PCDHB16: variants seen among roughly 807,000 people sequenced by gnomAD.
The protein encoded by PCDHB16 is protocadherin beta-16.
For synonymous variants in PCDHB16, 444 were observed against 436.5 expected (o/e 1.02, Z -0.21); for missense variants, 1,026 against 989.9 (o/e 1.04, Z -0.49).
Position 141,183,727 on chromosome 5 carries a change from C to A in PCDHB16, c.1168C>A (p.Pro390Thr). The A allele has an allele frequency of 6.2e-7, 1 of 1,614,178 alleles. No individual in the cohort carries two copies. The highest frequency in any genetic ancestry group is 8.5e-7 in the Non-Finnish European group (1 of 1,180,026). ...KTISSIQEDL[P>T]FLLKPSVKNF... ...GATTTCCTCCATCCAGGAAGACCTT[C>A]CCTTTCTTCTAAAACCTTCAGTCAA... Residue 390 changes from proline (P) to threonine (T), a missense_variant, in exon 1 of 1, where the codon CCC (proline) becomes ACC (threonine). Pro to Thr is a conservative substitution (Grantham distance 38, BLOSUM62 -1). Transcript: ENST00000609684.
In PCDHB16 at chr5:141,185,891, T is replaced by C; in HGVS notation, c.*1001T>C. ...AAGCCATTGTAAGACATTCAGTATGTGTAAATGTGTTTGTGTTTGTAGACA... is the reference window on the plus strand; with the variant it reads ...AAGCCATTGTAAGACATTCAGTATGCGTAAATGTGTTTGTGTTTGTAGACA... On this transcript the variant is annotated 3_prime_UTR_variant, in exon 1 of 1. Transcript: ENST00000609684. 9 of 988,850 alleles carry C rather than the reference T, an allele frequency of 9.1e-6. No homozygotes were observed. Among genetic ancestry groups the C allele is most frequent in the Non-Finnish European group, 1.1e-5 (9 of 819,606 alleles). 61.3% of individuals were successfully genotyped at this position (988,850 alleles called of 1,614,324 possible).
In PCDHB16 at chr5:141,184,764, T is replaced by A; in HGVS notation, c.2205T>A (p.Arg735=). The A allele has an allele frequency of 1.2e-6, 2 of 1,614,138 alleles. No individual in the cohort carries two copies. The highest frequency in any genetic ancestry group is 2.2e-5 in the South Asian group (2 of 91,084). ...TGCCTGAGGGCCCCTTTCCAGGGCG[T>A]CTGGTGGACGTAAGCGGCACCGGGA... The part of the protein sequence containing the change: ...CSMPEGPFPG[R]LVDVSGTGTL... Residue 735 remains arginine, a synonymous_variant, in exon 1 of 1, where the codon CGT becomes CGA. Transcript: ENST00000609684.
rs1435204115 is a variant in PCDHB16 at position 141,185,768 on chromosome 5, A to AT, written c.*882dup. ...AAGTTACCTTTAAAAAAAAAGTTCT[A>AT]TTTTCCCTGTATTGGTATCTCCTTA... On this transcript the variant is annotated 3_prime_UTR_variant, in exon 1 of 1. Transcript: ENST00000609684. 3 of 989,192 alleles carry AT rather than the reference A, an allele frequency of 3.0e-6. No individual in the cohort carries two copies. The highest frequency in any genetic ancestry group is 3.5e-5 in the African/African-American group (2 of 56,930). 61.3% of individuals were successfully genotyped at this position (989,192 alleles called of 1,614,324 possible).
At position 141,185,078 on chromosome 5, in the gene PCDHB16, A is replaced by C; in HGVS notation, c.*188A>C. On this transcript the variant is annotated 3_prime_UTR_variant, in exon 1 of 1. Transcript: ENST00000609684. ...TAGTTCAAATTATATTGTTAATTCCAGTTTCCCTTTTCCTCATATTTACCC... is the reference window on the plus strand; with the variant it reads ...TAGTTCAAATTATATTGTTAATTCCCGTTTCCCTTTTCCTCATATTTACCC... 7.0e-7 allele frequency: 1 copy of C among 1,420,478 alleles called. No homozygotes were observed. The highest frequency in any genetic ancestry group is 9.2e-7 in the Non-Finnish European group (1 of 1,086,008). 88.0% of individuals were successfully genotyped at this position (1,420,478 alleles called of 1,614,324 possible).
chr5:141,182,636 C>A lies in PCDHB16; in HGVS notation c.77C>A (p.Ala26Glu). The change falls in exon 1 of 1, where the codon GCG becomes GAG. Residue 26 changes from alanine to glutamate, a missense_variant. By Grantham distance (107) the Ala-to-Glu change is moderately radical (BLOSUM62 -1). Coordinates refer to ENST00000609684, the MANE Select transcript of PCDHB16 (RefSeq NM_020957.4). ...TTTGTTTTGCTGAGCTTGTCTGGGGCGGGCGCCGAGTTGGGGTCCTATTCC... is the reference window on the plus strand; with the variant it reads ...TTTGTTTTGCTGAGCTTGTCTGGGGAGGGCGCCGAGTTGGGGTCCTATTCC... Reference protein sequence around the residue: ...VFFVLLSLSGAGAELGSYSVV... With the variant: ...VFFVLLSLSGEGAELGSYSVV... 6.3e-7 allele frequency: 1 copy of A among 1,575,526 alleles called. No individual in the cohort carries two copies. The highest frequency in any genetic ancestry group is 8.6e-7 in the Non-Finnish European group (1 of 1,162,616).
Position 141,183,684 on chromosome 5 carries a change from CGGAAACAATG to C in PCDHB16, c.1130_1139del (p.Asn377ArgfsTer14). On this transcript the variant is annotated frameshift_variant, in exon 1 of 1. Transcript: ENST00000609684. LOFTEE classifies it low-confidence loss of function (END_TRUNC). The stretch of plus-strand genomic sequence containing the variant: ...TTTTCAGCGTTTCAGATCCTGACTC[CGGAAACAATG>C]GGAAGACGATTTCCTCCATCCAGGA... 1 of 1,614,134 alleles carries C rather than the reference CGGAAACAATG, an allele frequency of 6.2e-7. No homozygotes were observed. The highest frequency in any genetic ancestry group is 8.5e-7 in the Non-Finnish European group (1 of 1,180,022).
Position 141,183,132 on chromosome 5 carries a change from C to T in PCDHB16, c.573C>T (p.Tyr191=), listed in dbSNP as rs782802437. The change falls in exon 1 of 1, where the codon TAC becomes TAT. Residue 191 remains tyrosine, a synonymous_variant. Coordinates refer to ENST00000609684, the MANE Select transcript of PCDHB16 (RefSeq NM_020957.4). ...LIHEFRDGRK[Y]PELVLDKELD... ...ATGAATTCAGAGATGGCAGGAAATA[C>T]CCTGAGCTAGTGTTGGATAAAGAGC... 6.2e-7 allele frequency: 1 copy of T among 1,614,108 alleles called. No individual in the cohort carries two copies. The highest frequency in any genetic ancestry group is 1.1e-5 in the South Asian group (1 of 91,074).
rs1753636786 is a variant in PCDHB16, at chr5:141,183,842, C to G, written c.1283C>G (p.Thr428Ser). ...ACCCTCACCGTCACAGATATGGGGACTCCAAGGCTGAAAACGGAGCACAAC... is the reference window on the plus strand; with the variant it reads ...ACCCTCACCGTCACAGATATGGGGAGTCCAAGGCTGAAAACGGAGCACAAC... ...NITLTVTDMG[T>S]PRLKTEHNIT... Residue 428 changes from threonine to serine, a missense_variant, in exon 1 of 1, where the codon ACT (threonine) becomes AGT (serine). Coordinates refer to ENST00000609684, the MANE Select transcript of PCDHB16 (RefSeq NM_020957.4). The G allele has an allele frequency of 6.2e-7, 1 of 1,614,226 alleles. No homozygotes were observed. Among genetic ancestry groups the G allele is most frequent in the African/African-American group, 1.3e-5 (1 of 75,056 alleles).
In PCDHB16 at chr5:141,183,705, T is replaced by G. The variant is rs145408125; in HGVS notation, c.1146T>G (p.Ile382Met). Residue 382 changes from isoleucine to methionine, a missense_variant, in exon 1 of 1, where the codon ATT (isoleucine) becomes ATG (methionine). Physicochemically the swap from Ile to Met is conservative, Grantham distance 10. Transcript: ENST00000609684. ...ACTCCGGAAACAATGGGAAGACGAT[T>G]TCCTCCATCCAGGAAGACCTTCCCT... is the stretch of plus-strand genomic sequence containing the variant. ...DPDSGNNGKT[I>M]SSIQEDLPFL... The G allele has an allele frequency of 3.9e-4, 625 of 1,614,058 alleles. 1 individual carries two copies. Among genetic ancestry groups the G allele is most frequent in the Non-Finnish European group, 5.1e-4 (607 of 1,180,034 alleles).
In PCDHB16 at chr5:141,185,167, A is replaced by T; in HGVS notation, c.*277A>T. Reference sequence around the variant, plus strand: ...ATACTTTATCTTCAAAGTTGATGTCATTTAAAATTTTTCCGTCTTTATATT... The same window carrying T: ...ATACTTTATCTTCAAAGTTGATGTCTTTTAAAATTTTTCCGTCTTTATATT... On this transcript the variant is annotated 3_prime_UTR_variant, in exon 1 of 1. Transcript: ENST00000609684. 1 of 1,163,656 alleles carries T rather than the reference A, an allele frequency of 8.6e-7. No homozygotes were observed. The highest frequency in any genetic ancestry group is 1.1e-6 in the Non-Finnish European group (1 of 933,726). The allele number at this position is 1,163,656 out of a possible 1,614,324, so 72.1% of individuals were successfully genotyped here. A position where few individuals can be genotyped will look rare whatever the true frequency, so the allele number is the denominator to read the frequency against.
chr5:141,185,643 T>G lies in PCDHB16; in HGVS notation c.*753T>G. 1.3e-6 allele frequency: 1 copy of G among 788,018 alleles called. No homozygotes were observed. The highest frequency in any genetic ancestry group is 1.6e-6 in the Non-Finnish European group (1 of 640,586). 48.8% of individuals were successfully genotyped at this position (788,018 alleles called of 1,614,324 possible). ...ATCTTGAACTCCTGGGCTCAAGCCA[T>G]CCTCCCTCCTCAGCCTCCCAAAATT... On this transcript the variant is annotated 3_prime_UTR_variant, in exon 1 of 1. Transcript: ENST00000609684.
In PCDHB16 at chr5:141,182,952, C is replaced by A; in HGVS notation, c.393C>A (p.Pro131=). 5.6e-6 allele frequency: 9 copies of A among 1,614,142 alleles called. No homozygotes were observed. The highest frequency in any genetic ancestry group is 7.6e-6 in the Non-Finnish European group (9 of 1,179,996). ...LRVIDINDHS[P]MFTEKEMILK... ...TGATAGATATAAATGACCATTCTCC[C>A]ATGTTCACTGAAAAGGAAATGATTC... is the stretch of plus-strand genomic sequence containing the variant. The change falls in exon 1 of 1, where the codon CCC becomes CCA. Residue 131 remains proline, a synonymous_variant. Coordinates refer to ENST00000609684, the MANE Select transcript of PCDHB16 (RefSeq NM_020957.4).
chr5:141,185,109 AG>A lies in PCDHB16; in HGVS notation c.*221del. 1 of 1,384,276 alleles carries A rather than the reference AG, an allele frequency of 7.2e-7. No individual in the cohort carries two copies. 85.7% of individuals were successfully genotyped at this position (1,384,276 alleles called of 1,614,324 possible). On this transcript the variant is annotated 3_prime_UTR_variant, in exon 1 of 1. Transcript: ENST00000609684. The stretch of plus-strand genomic sequence containing the variant: ...CCTTTTCCTCATATTTACCCCGAAG[AG>A]GTGTTGCATATAGAATCCCAATTAA...
chr5:141,185,293 T>C lies in PCDHB16; in HGVS notation c.*403T>C. 1.1e-6 allele frequency: 1 copy of C among 925,948 alleles called. No individual in the cohort carries two copies. The highest frequency in any genetic ancestry group is 1.1e-4 in the East Asian group (1 of 8,728). The allele number at this position is 925,948 out of a possible 1,614,324, so 57.4% of individuals were successfully genotyped here. ...TAACCTGTTGCATGTATTAGGCATA[T>C]TTCCTATGTTACATTTCTTTTGTCT... On this transcript the variant is annotated 3_prime_UTR_variant, in exon 1 of 1. Transcript: ENST00000609684.
chr5:141,182,574 G>T lies in PCDHB16; in HGVS notation c.15G>T (p.Trp5Cys). 1 of 1,520,168 alleles carries T rather than the reference G, an allele frequency of 6.6e-7. No homozygotes were observed. The highest frequency in any genetic ancestry group is 8.8e-7 in the Non-Finnish European group (1 of 1,135,970). The allele number at this position is 1,520,168 out of a possible 1,614,324, so 94.2% of individuals were successfully genotyped here. A position where few individuals can be genotyped will look rare whatever the true frequency, so the allele number is the denominator to read the frequency against. Reference protein sequence around the residue: MEIGWMHNRRQRQVL... With the variant: MEIGCMHNRRQRQVL... ...AAGAAAAAGCAATGGAGATTGGATG[G>T]ATGCACAATCGGAGACAAAGGCAAG... The change falls in exon 1 of 1, where the codon TGG becomes TGT. Residue 5 changes from tryptophan to cysteine, a missense_variant. Transcript: ENST00000609684.
chr5:141,184,738 A>G lies in PCDHB16; in HGVS notation c.2179A>G (p.Met727Val), dbSNP rs782330378. The change falls in exon 1 of 1, where the codon ATG (methionine) becomes GTG (valine). Residue 727 changes from methionine (M) to valine (V), a missense_variant. Physicochemically the swap from Met to Val is conservative, Grantham distance 21 (BLOSUM62 1). Transcript: ENST00000609684. ...GGCGGCCTCGGTGGGCCGCTGCTCG[A>G]TGCCTGAGGGCCCCTTTCCAGGGCG... ...SRAASVGRCS[M>V]PEGPFPGRLV... 8.1e-6 allele frequency: 13 copies of G among 1,613,858 alleles called. No homozygotes were observed. The highest frequency in any genetic ancestry group is 2.7e-5 in the African/African-American group (2 of 74,850).
In PCDHB16 at chr5:141,184,589, C is replaced by T. The variant is rs782542356; in HGVS notation, c.2030C>T (p.Ala677Val). 5 of 1,612,056 alleles carry T rather than the reference C, an allele frequency of 3.1e-6. No homozygotes were observed. Among genetic ancestry groups the T allele is most frequent in the Non-Finnish European group, 4.2e-6 (5 of 1,179,802 alleles). ...SQPFLPLPEA[A>V]PGQTQANSLT... is the part of the protein sequence containing the mutation. ...CCCTTCCTGCCGCTCCCAGAGGCGG[C>T]CCCCGGCCAGACCCAGGCCAACTCG... The change falls in exon 1 of 1, where the codon GCC (alanine) becomes GTC (valine). Residue 677 changes from alanine (A) to valine (V), a missense_variant. Ala to Val is a moderately conservative substitution (Grantham distance 64). Coordinates refer to ENST00000609684, the MANE Select transcript of PCDHB16 (RefSeq NM_020957.4).
Position 141,184,426 on chromosome 5 carries a change from G to T in PCDHB16, c.1867G>T (p.Glu623Ter). ...GLFGVWAHNG[E>*]VRTARLLSER... ...GTTCGGTGTGTGGGCGCACAATGGC[G>T]AGGTGCGCACCGCCAGGCTGCTGAG... Residue 623 changes from glutamate to a stop codon, truncating the protein, a stop_gained, in exon 1 of 1, where the codon GAG becomes TAG. Transcript: ENST00000609684. LOFTEE classifies it low-confidence loss of function (END_TRUNC). 1.2e-6 allele frequency: 2 copies of T among 1,607,378 alleles called. No homozygotes were observed. Among genetic ancestry groups the T allele is most frequent in the Non-Finnish European group, 1.7e-6 (2 of 1,179,514 alleles).
Position 141,185,691 on chromosome 5 carries a change from A to C in PCDHB16, c.*801A>C, listed in dbSNP as rs1469608846. On this transcript the variant is annotated 3_prime_UTR_variant, in exon 1 of 1. Transcript: ENST00000609684. ...ATTCTGGGATTACAGGCATAAGCCA[A>C]TGTGCCCATCCAAAGTTTTATTTAT... The C allele has an allele frequency of 2.0e-6, 2 of 993,954 alleles. No individual in the cohort carries two copies. Among genetic ancestry groups the C allele is most frequent in the Non-Finnish European group, 1.2e-6 (1 of 824,846 alleles). 61.6% of individuals were successfully genotyped at this position (993,954 alleles called of 1,614,324 possible).
Sources: allele counts gnomAD v4.1 joint callset, GRCh38; gene constraint gnomAD v4.1.1; transcripts MANE v1.5; gene names NCBI Gene and HGNC (gene_info 2026-07-23, HGNC 2026-07-21).